The following LRRC4C variants were observed in gnomAD, a reference collection of about 807,000 sequenced individuals.
LRRC4C encodes the protein leucine rich repeat containing 4C, also known as leucine-rich repeat-containing protein 4C.
Under a neutral mutation model 33.6 loss-of-function variants are expected in LRRC4C, and 5 were observed. That is an observed-to-expected ratio of 0.15 (90% confidence interval 0.08 to 0.31). The LOEUF (loss-of-function observed/expected upper bound fraction) is 0.31, where lower values mean the gene tolerates loss of function less well. LRRC4C is among the 10% of genes least tolerant of loss of function. The pLI is 1.00. For synonymous variants in LRRC4C, 329 were observed against 302.0 expected (o/e 1.09, Z -0.93); for missense variants, 560 against 796.7 (o/e 0.70, Z 3.58).
intron 3 of LRRC4C, among the ~76,000 whole-genome samples, chr11:40,621,942 C>A (rs904509429): frequency 6.6e-6 from 1 of 151,712 alleles, no homozygotes; most frequent in African/African-American, 2.4e-5. Flanking sequence ...CCAGGCCACA[C>A]AACTGGGATG....
intron 3 of LRRC4C, among the ~76,000 whole-genome samples, chr11:40,380,867 CACAT>C (rs1330097071): frequency 1.3e-5 from 2 of 152,144 alleles, no homozygotes; most frequent in Admixed American, 6.5e-5. Context: ...TGTTCACACA[CACAT>C]AATTAGTAAT....
intron 5 of LRRC4C, among the ~76,000 whole-genome samples, chr11:40,176,620 A>G (rs1186245483): frequency 6.6e-6 from 1 of 151,206 alleles, no homozygotes; most frequent in Non-Finnish European, 1.5e-5. Context: ...AGCTCGTTGC[A>G]GACTTGAAGT....
intron 2 of LRRC4C, among the ~76,000 whole-genome samples, chr11:40,927,244 C>T (rs888782164): frequency 1.3e-5 from 2 of 151,702 alleles, no homozygotes; most frequent in South Asian, 2.1e-4. Flanking sequence ...TGTGGTGGTG[C>T]GCACCTACAA....
At chr11:40,436,246 A>C (rs536441230) in intron 3 of LRRC4C, among the ~76,000 whole-genome samples, 3 of 152,222 alleles carry the variant, frequency 2.0e-5, no homozygotes, top group African/African-American at 7.2e-5. Flanking sequence ...AATTATAATA[A>C]TTAAATATAA....
intron 1 of LRRC4C, among the ~76,000 whole-genome samples, chr11:41,062,977 A>G (rs1251890479): frequency 6.6e-6 from 1 of 152,104 alleles, no homozygotes; most frequent in Non-Finnish European, 1.5e-5. Context: ...TTACATTTTG[A>G]TTTTAGACCT....
At position 40,243,317 on chromosome 11, in the gene LRRC4C, G is replaced by A. The variant is rs187575348; in HGVS notation, c.-175-1719C>T. 5.3e-5 allele frequency among the ~76,000 whole-genome samples: 8 copies of A among 152,234 alleles called. No homozygotes were observed. The East Asian group carries it at 1.5e-3, about 29-fold the overall frequency. ...ACATCTTGGGCCCAACATAAGCTAA[G>A]GCGCTTTAAATGTCTATCACTGGCT... On this transcript the variant is annotated intron_variant, in intron 4 of 6. Coordinates refer to ENST00000528697, the MANE Select transcript of LRRC4C (RefSeq NM_001258419.2).
At chr11:40,691,034 T>A (rs1945196860) in intron 2 of LRRC4C, among the ~76,000 whole-genome samples, 1 of 152,076 alleles carries the variant, frequency 6.6e-6, no homozygotes, top group Non-Finnish European at 1.5e-5. Flanking sequence ...ACCTGCTTGT[T>A]ATCTTCAACT....
At chr11:40,402,696 T>C (rs929624824) in intron 3 of LRRC4C, among the ~76,000 whole-genome samples, 5 of 152,134 alleles carry the variant, frequency 3.3e-5, no homozygotes, top group African/African-American at 1.2e-4. Context: ...AGAGCTAATG[T>C]ACATTGAAGG....
intron 3 of LRRC4C, among the ~76,000 whole-genome samples, chr11:40,342,226 T>C (rs1946900554): frequency 6.6e-6 from 1 of 152,150 alleles, no homozygotes; most frequent in Non-Finnish European, 1.5e-5. Flanking sequence ...ATCACAGCAC[T>C]TTGGGAGGCT....
Position 40,403,981 on chromosome 11 carries a change from G to A in LRRC4C, c.-269-84260C>T, listed in dbSNP as rs138284251. 4.6e-4 allele frequency among the ~76,000 whole-genome samples: 70 copies of A among 152,228 alleles called. 1 individual carries two copies. The highest frequency in any genetic ancestry group is 1.6e-3 in the African/African-American group (66 of 41,566). The stretch of plus-strand genomic sequence containing the variant: ...GATTATTTCAATAATGACCCATAAG[G>A]TTTTCATGGCTCCCTCCTGCACTGT... On this transcript the variant is annotated intron_variant, in intron 3 of 6. Transcript: ENST00000528697.
At chr11:40,722,625 A>T (rs970537724) in intron 2 of LRRC4C, among the ~76,000 whole-genome samples, 1 of 152,190 alleles carries the variant, frequency 6.6e-6, no homozygotes, top group Non-Finnish European at 1.5e-5. Flanking sequence ...CAACAAATTT[A>T]AAAAGAAAAA....
At chr11:40,800,550 G>C (rs1950999914) in intron 2 of LRRC4C, among the ~76,000 whole-genome samples, 1 of 152,052 alleles carries the variant, frequency 6.6e-6, no homozygotes, top group Non-Finnish European at 1.5e-5. Context: ...CCATCGTCTT[G>C]TATATATTGA....
chr11:41,296,148 A>C (rs1950135215), intron 1 of LRRC4C, among the ~76,000 whole-genome samples: 1 of 152,180 alleles, frequency 6.6e-6, no homozygotes, highest in Non-Finnish European at 1.5e-5. Flanking sequence ...ATTTTTTAAA[A>C]ATTGTGAGGG....
At chr11:40,806,539 G>A (rs1035860613) in intron 2 of LRRC4C, among the ~76,000 whole-genome samples, 11 of 152,250 alleles carry the variant, frequency 7.2e-5, no homozygotes, top group Middle Eastern at 3.4e-3. Flanking sequence ...CACAAGAATC[G>A]GGACAGTCAC....
intron 4 of LRRC4C, among the ~76,000 whole-genome samples, chr11:40,282,138 C>T (rs904605174): frequency 8.5e-5 from 13 of 152,162 alleles, no homozygotes; most frequent in Middle Eastern, 6.8e-3. Context: ...CACCTGAAGA[C>T]GGGAGTTTGA....
In LRRC4C at chr11:41,293,251, G is replaced by T. The variant is rs528827266; in HGVS notation, c.-496+166180C>A. Among the ~76,000 whole-genome samples, 975 of 152,044 alleles carry T rather than the reference G, an allele frequency of 6.4e-3. 5 individuals carry two copies. The highest frequency in any genetic ancestry group is 8.4e-3 in the Non-Finnish European group (573 of 67,940). ...TGTTTTATTATTTGTATTTGTCTTT[G>T]TTTTCAAAATTATCTGCTATGATTT... On this transcript the variant is annotated intron_variant, in intron 1 of 6. Transcript: ENST00000528697.
Position 41,224,284 on chromosome 11 carries a change from T to C in LRRC4C, c.-496+235147A>G, listed in dbSNP as rs569942019. Among the ~76,000 whole-genome samples, 184 of 152,280 alleles carry C rather than the reference T, an allele frequency of 1.2e-3. 1 individual carries two copies. Among genetic ancestry groups the C allele is most frequent in the African/African-American group, 4.3e-3 (178 of 41,568 alleles). ...AGAAACCAATCCCTGCACCCCTCAC[T>C]ATTTCATTGCCAATAAGAGAAATGA... On this transcript the variant is annotated intron_variant, in intron 1 of 6. Coordinates refer to ENST00000528697, the MANE Select transcript of LRRC4C (RefSeq NM_001258419.2).
At chr11:40,463,050 G>T (rs1374872518) in intron 3 of LRRC4C, among the ~76,000 whole-genome samples, 1 of 152,060 alleles carries the variant, frequency 6.6e-6, no homozygotes, top group Admixed American at 6.6e-5. Flanking sequence ...GCTTCAATTA[G>T]CTCTGTGCCT....
chr11:41,089,803 A>G (rs562996369), intron 1 of LRRC4C, among the ~76,000 whole-genome samples: 35 of 152,132 alleles, frequency 2.3e-4, no homozygotes, highest in African/African-American at 8.2e-4. Flanking sequence ...TGTCGAAACG[A>G]TAATAGATGT....
Sources: allele counts gnomAD v4.1 joint callset (sites outside exome capture counted in the v4.1 genomes callset), GRCh38; gene constraint gnomAD v4.1.1; transcripts MANE v1.5; gene names NCBI Gene and HGNC (gene_info 2026-07-23, HGNC 2026-07-21).